ESPL1: variants seen among roughly 807,000 people sequenced by gnomAD.
The protein encoded by ESPL1 is extra spindle pole bodies like 1, separase, also known as separin.
A neutral mutation model predicts 217.2 loss-of-function variants in ESPL1; 50 were observed. The observed-to-expected ratio is 0.23, with a 90% confidence interval of 0.18 to 0.29. The LOEUF (loss-of-function observed/expected upper bound fraction) is 0.29, where lower values mean the gene tolerates loss of function less well. Ranked by LOEUF, ESPL1 falls within the 10% of genes least tolerant of loss-of-function variation. The pLI is 1.00. For missense variants in ESPL1, 1,834 were observed against 2,603.0 expected (o/e 0.70, Z 6.43); for synonymous variants, 994 against 1,081.3 (o/e 0.92, Z 1.58).
Position 53,292,474 on chromosome 12 carries a change from C to T in ESPL1, c.5912+81C>T. The T allele has an allele frequency of 1.5e-6, 2 of 1,372,134 alleles. No individual in the cohort carries two copies. The highest frequency in any genetic ancestry group is 1.4e-5 in the African/African-American group (1 of 70,470). 85.0% of individuals were successfully genotyped at this position (1,372,134 alleles called of 1,614,324 possible). ...CAACAAGCCTTTTCTCCAGAAACAG[C>T]TGTTGCAGCCCACCTTCTATCTAAT... On this transcript the variant is annotated intron_variant, in intron 28 of 30. Coordinates refer to ENST00000257934, the MANE Select transcript of ESPL1 (RefSeq NM_012291.5). The surrounding 1 kb of genome is among the most constrained non-coding windows in gnomAD (Gnocchi z 4.5).
At chr12:53,272,592 G>A in intron 5 of ESPL1, 129 bp from the exon 6 acceptor site, 2 of 1,057,202 alleles carry the variant, frequency 1.9e-6, no homozygotes, top group East Asian at 2.4e-5. Context: ...ATTCCTAGCA[G>A]TAGGGGTTCC....
At chr12:53,278,085 C>G in intron 11 of ESPL1, 125 bp downstream of exon 11, 1 of 959,482 alleles carries the variant, frequency 1.0e-6, no homozygotes, top group South Asian at 1.6e-5. Context: ...AAGCGCAGGG[C>G]TGTATCACCA....
chr12:53,283,771 A>C (rs1453840263), intron 16 of ESPL1, among the ~76,000 whole-genome samples: 1 of 152,124 alleles, frequency 6.6e-6, no homozygotes, highest in Non-Finnish European at 1.5e-5. Context: ...AAATCTCCAA[A>C]AGGGAGATCT....
intron 9 of ESPL1, 86 bp downstream of exon 9, chr12:53,277,313 T>C: frequency 6.6e-7 from 1 of 1,515,748 alleles, no homozygotes. Context: ...TCAGCCCTTT[T>C]TTTTGTTCGT....
chr12:53,289,247 G>A lies in ESPL1; in HGVS notation c.4866G>A (p.Glu1622=), dbSNP rs1944011082. ...ATGCCACTGCTTTCCTTGTCACCGA[G>A]TCTGTCTCCATCACCTGTCGCCACC... ...DPYATAFLVT[E]SVSITCRHQL... Residue 1622 remains glutamate (E), a synonymous_variant, in exon 21 of 31, where the codon GAG becomes GAA. Transcript: ENST00000257934. The A allele has an allele frequency of 6.2e-7, 1 of 1,612,532 alleles. No individual in the cohort carries two copies. The highest frequency in any genetic ancestry group is 1.1e-5 in the South Asian group (1 of 91,084).
rs1205733149 is a variant in ESPL1, at chr12:53,289,542, C to A, written c.5061C>A (p.Phe1687Leu). The A allele has an allele frequency of 1.2e-6, 2 of 1,614,096 alleles. No homozygotes were observed. Among genetic ancestry groups the A allele is most frequent in the East Asian group, 2.2e-5 (1 of 44,874 alleles). The change falls in exon 22 of 31, where the codon TTC (phenylalanine) becomes TTA (leucine). Residue 1687 changes from phenylalanine to leucine, a missense_variant. This residue lies in a region of ESPL1 where 681 missense variants were observed against 808.0 expected (regional missense o/e 0.84). Transcript: ENST00000257934. ...FSFRALESGHFPQPEKESFQE... is the reference protein window; with the variant it reads ...FSFRALESGHLPQPEKESFQE... ...TCAGGGCTTTGGAATCTGGCCACTT[C>A]CCCCAGCCTGAAAAGGAGAGTTTCC...
chr12:53,270,149 A>G (rs545379450), intron 3 of ESPL1, 64 bp downstream of exon 3: 4 of 1,407,498 alleles, frequency 2.8e-6, no homozygotes, highest in Non-Finnish European at 3.9e-6. Flanking sequence ...AGCCTAGGGT[A>G]TTTGGCAAGA....
rs1307092749 is a variant in ESPL1, at chr12:53,269,379, G to A, written c.437G>A (p.Gly146Asp). ...APQDYEAVAR[G>D]SFSLLWKGAE... ...CAGGACTATGAGGCCGTGGCTCGGGGCAGCTTTTCTCTGCTTTGGAAGGGG... is the reference window on the plus strand; with the variant it reads ...CAGGACTATGAGGCCGTGGCTCGGGACAGCTTTTCTCTGCTTTGGAAGGGG... The change falls in exon 3 of 31, where the codon GGC becomes GAC. Residue 146 changes from glycine to aspartate, a missense_variant. This residue lies in a region of ESPL1 where 746 missense variants were observed against 1,077.0 expected (regional missense o/e 0.69). Coordinates refer to ENST00000257934, the MANE Select transcript of ESPL1 (RefSeq NM_012291.5). The surrounding 1 kb of genome is among the most constrained non-coding windows in gnomAD (Gnocchi z 6.7). The A allele has an allele frequency of 6.2e-7, 1 of 1,614,004 alleles. No homozygotes were observed.
Position 53,270,403 on chromosome 12 carries a change from A to G in ESPL1, c.1169A>G (p.Gln390Arg), listed in dbSNP as rs771015164. ...GTGTATGGGGGCTCCTCCAAGCAAC[A>G]GCAGTCTTTTCTTCAGATGTACTTT... ...DGVYGGSSKQ[Q>R]QSFLQMYFQG... Residue 390 changes from glutamine (Q) to arginine (R), a missense_variant, in exon 4 of 31, where the codon CAG (glutamine) becomes CGG (arginine). Physicochemically the swap from Gln to Arg is conservative, Grantham distance 43. Coordinates refer to ENST00000257934, the MANE Select transcript of ESPL1 (RefSeq NM_012291.5). The G allele has an allele frequency of 1.9e-6, 3 of 1,613,568 alleles. No individual in the cohort carries two copies. Among genetic ancestry groups the G allele is most frequent in the Non-Finnish European group, 1.7e-6 (2 of 1,179,668 alleles).
At chr12:53,277,427 C>T in intron 9 of ESPL1, 43 bp from the exon 10 acceptor site, 1 of 1,599,914 alleles carries the variant, frequency 6.3e-7, no homozygotes, top group Non-Finnish European at 8.5e-7. Context: ...ACGATAGGCC[C>T]ACACCACTGT....
chr12:53,275,731 T>TC (rs1943756442), intron 7 of ESPL1, among the ~76,000 whole-genome samples: 1 of 150,930 alleles, frequency 6.6e-6, no homozygotes, highest in African/African-American at 2.4e-5. Flanking sequence ...TGTTCCTTTT[T>TC]TTTTTTTTTT....
Position 53,292,217 on chromosome 12 carries a change from T to G in ESPL1, c.5797-61T>G. On this transcript the variant is annotated intron_variant, in intron 27 of 30. Transcript: ENST00000257934. This position sits in a 1 kb window ranked among gnomAD's most constrained non-coding sequence, Gnocchi z 4.5. ...GCTCAGACATGGAAAGGGGCTGAGA[T>G]TGTTAGAGCTTGGGCCTCTTGGTGA... is the stretch of plus-strand genomic sequence containing the variant. 1 of 1,443,412 alleles carries G rather than the reference T, an allele frequency of 6.9e-7. No individual in the cohort carries two copies. The highest frequency in any genetic ancestry group is 9.8e-7 in the Non-Finnish European group (1 of 1,024,864). 89.4% of individuals were successfully genotyped at this position (1,443,412 alleles called of 1,614,324 possible). A position where few individuals can be genotyped will look rare whatever the true frequency, so the allele number is the denominator to read the frequency against.
At chr12:53,279,644 G>A (rs536541617) in intron 11 of ESPL1, 88 bp from the exon 12 acceptor site, 10 of 1,356,212 alleles carry the variant, frequency 7.4e-6, no homozygotes, top group Non-Finnish European at 9.3e-6. Flanking sequence ...TCAAACTACA[G>A]TCCAAGGTCC....
Position 53,273,009 on chromosome 12 carries a change from T to A in ESPL1, c.1506+152T>A, listed in dbSNP as rs530110709. The A allele has an allele frequency of 8.5e-5, 58 of 685,668 alleles. 2 individuals are homozygous for A. In the South Asian group the frequency reaches 1.1e-3, roughly 12 times the overall value. The allele number at this position is 685,668 out of a possible 1,614,324, so 42.5% of individuals were successfully genotyped here. ...TGGAGCAGTGTTTCCCAAACCTCAC[T>A]GTACTGTTACTTACTGTTGACTCAT... is the stretch of plus-strand genomic sequence containing the variant. On this transcript the variant is annotated intron_variant, in intron 6 of 30. Coordinates refer to ENST00000257934, the MANE Select transcript of ESPL1 (RefSeq NM_012291.5).
At position 53,286,002 on chromosome 12, in the gene ESPL1, C is replaced by T. The variant is rs1021750375; in HGVS notation, c.3266C>T (p.Pro1089Leu). ...AAGGGGAAGCAGCAGGCCCAGGTCC[C>T]CTGTCCTCCACAGCTCCCAGAGGAG... The part of the protein sequence containing the change: ...LQKGKQQAQV[P>L]CPPQLPEEEL... Residue 1089 changes from proline (P) to leucine (L), a missense_variant, in exon 18 of 31, where the codon CCC (proline) becomes CTC (leucine). Transcript: ENST00000257934. The surrounding 1 kb of genome is among the most constrained non-coding windows in gnomAD (Gnocchi z 5.3). 1 of 1,599,180 alleles carries T rather than the reference C, an allele frequency of 6.3e-7. No homozygotes were observed. Among genetic ancestry groups the T allele is most frequent in the African/African-American group, 1.3e-5 (1 of 74,622 alleles).
intron 11 of ESPL1, 33 bp from the exon 12 acceptor site, chr12:53,279,699 G>A (rs1197178266): frequency 1.2e-6 from 2 of 1,613,598 alleles, no homozygotes; most frequent in African/African-American, 2.7e-5. Flanking sequence ...CTTGAGCAGG[G>A]GTGGAGTAAA....
chr12:53,272,907 G>C (rs147028840), intron 6 of ESPL1, 50 bp downstream of exon 6: 48 of 1,596,532 alleles, frequency 3.0e-5, no homozygotes, highest in Non-Finnish European at 3.7e-5. Context: ...GTTGGGGAGC[G>C]GGGGGAGCGG....
chr12:53,285,025 A>AAAG (rs1191940290), intron 17 of ESPL1, among the ~76,000 whole-genome samples: 1 of 136,218 alleles, frequency 7.3e-6, no homozygotes, highest in African/African-American at 2.5e-5. Context: ...AAAAAAAAAA[A>AAAG]AAGAAGAAAG....
chr12:53,292,557 C>T lies in ESPL1; in HGVS notation c.5913-17C>T, dbSNP rs201645174. ...GCCATGCATTTCCCTATTCTCACAC[C>T]TGCCTTTTCCCTGCAGTGAAGCTGG... On this transcript the variant is annotated splice_polypyrimidine_tract_variant and intron_variant, in intron 28 of 30. Coordinates refer to ENST00000257934, the MANE Select transcript of ESPL1 (RefSeq NM_012291.5). This position sits in a 1 kb window ranked among gnomAD's most constrained non-coding sequence, Gnocchi z 4.5. 7.9e-5 allele frequency: 127 copies of T among 1,607,716 alleles called. No homozygotes were observed. In the African/African-American group the frequency reaches 1.6e-3, roughly 20 times the overall value.
Sources: gnomAD v4.1 joint callset for allele counts (sites outside exome capture counted in the v4.1 genomes callset) on GRCh38, gnomAD v4.1.1 for gene constraint, gnomAD v4.1.1 regional missense constraint, Gnocchi (gnomAD v3.1) non-coding constraint, MANE v1.5 for transcripts, NCBI Gene and HGNC (gene_info 2026-07-23, HGNC 2026-07-21) for gene names.